ATP2B2: variants seen among roughly 807,000 people sequenced by gnomAD.
ATP2B2 encodes the protein ATPase plasma membrane Ca2+ transporting 2.
A neutral mutation model predicts 120.0 loss-of-function variants in ATP2B2; 15 were observed. The observed-to-expected ratio is 0.12, with a 90% confidence interval of 0.08 to 0.19. ATP2B2 has a LOEUF of 0.19. Ranked by LOEUF, ATP2B2 falls within the 10% of genes least tolerant of loss-of-function variation. ATP2B2 has a pLI of 1.00. For missense variants in ATP2B2, 1,045 were observed against 1,719.8 expected, an observed-to-expected ratio of 0.61 and a Z score of 6.94; for synonymous variants, 694 against 700.3, an observed-to-expected ratio of 0.99 and a Z score of 0.14.
chr3:10,693,662 AT>A (rs778386854), intron 1 of ATP2B2, among the ~76,000 whole-genome samples: 1 of 152,140 alleles, frequency 6.6e-6, no homozygotes, highest in Non-Finnish European at 1.5e-5. Context: ...AGCCTACTTC[AT>A]TTCTTTGTTT....
chr3:10,388,262 G>A lies in ATP2B2; in HGVS notation c.907+15C>T. 6.2e-7 allele frequency: 1 copy of A among 1,614,078 alleles called. No individual in the cohort carries two copies. Among genetic ancestry groups the A allele is most frequent in the Non-Finnish European group, 8.5e-7 (1 of 1,179,992 alleles). On this transcript the variant is annotated intron_variant, in intron 6 of 22. Transcript: ENST00000360273. ...TAAGAGCTCCTCTCCTGGTCTGCAAGGGGATTAGGCTTACCTTTTTTGTCT... is the reference window on the plus strand; with the variant it reads ...TAAGAGCTCCTCTCCTGGTCTGCAAAGGGATTAGGCTTACCTTTTTTGTCT...
chr3:10,703,533 G>A (rs1356011015), intron 1 of ATP2B2, among the ~76,000 whole-genome samples: 1 of 151,968 alleles, frequency 6.6e-6, no homozygotes, highest in African/African-American at 2.4e-5. Flanking sequence ...CTATTTATGG[G>A]GCCCACTCCC....
intron 2 of ATP2B2, among the ~76,000 whole-genome samples, chr3:10,577,696 GA>G (rs982826879): frequency 6.6e-6 from 1 of 152,210 alleles, no homozygotes; most frequent in African/African-American, 2.4e-5. Flanking sequence ...GCTCCCAAAA[GA>G]ACAATCTTTC....
chr3:10,327,813 T>C lies in ATP2B2; in HGVS notation c.*1001A>G, dbSNP rs1190097265. 1 of 152,678 alleles carries C rather than the reference T, an allele frequency of 6.5e-6. No individual in the cohort carries two copies. Among genetic ancestry groups the C allele is most frequent in the Non-Finnish European group, 1.5e-5 (1 of 68,044 alleles). The allele number at this position is 152,678 out of a possible 1,614,324, so 9.5% of individuals were successfully genotyped here. ...CCTCAGGATGGCAACTCGGTAGCAT[T>C]TGGCTTCTGCCTGAGCCTCTCACGG... is the stretch of plus-strand genomic sequence containing the variant. On this transcript the variant is annotated 3_prime_UTR_variant, in exon 23 of 23. Coordinates refer to ENST00000360273, the MANE Select transcript of ATP2B2 (RefSeq NM_001001331.4).
At position 10,531,988 on chromosome 3, in the gene ATP2B2, C is replaced by G. The variant is rs1283923581; in HGVS notation, c.-320+2051G>C. On this transcript the variant is annotated intron_variant, in intron 3 of 21. Coordinates refer to the ATP2B2 transcript ENST00000646379. The stretch of plus-strand genomic sequence containing the variant: ...ATGTCCTCCTTGGATTCTCCCCGCC[C>G]CACCACCCTGGCACCCCCAACCTAG... Among the ~76,000 whole-genome samples, 5 of 152,074 alleles carry G rather than the reference C, an allele frequency of 3.3e-5. No individual in the cohort carries two copies. The East Asian group carries it at 9.7e-4, about 29-fold the overall frequency.
intron 2 of ATP2B2, among the ~76,000 whole-genome samples, chr3:10,426,537 C>T (rs2063150210): frequency 6.6e-6 from 1 of 152,178 alleles, no homozygotes; most frequent in African/African-American, 2.4e-5. Flanking sequence ...CGTGTCCTTG[C>T]TGTCGACAGG....
chr3:10,698,497 C>G (rs1474451694), intron 1 of ATP2B2, among the ~76,000 whole-genome samples: 1 of 152,202 alleles, frequency 6.6e-6, no homozygotes, highest in African/African-American at 2.4e-5. Flanking sequence ...AAAGCAGGCT[C>G]CCTGGCTCAA....
chr3:10,408,865 G>A (rs2125009147), intron 3 of ATP2B2, among the ~76,000 whole-genome samples: 1 of 152,254 alleles, frequency 6.6e-6, no homozygotes, highest in African/African-American at 2.4e-5. Context: ...AGCTGATTCA[G>A]TCCTGTCCCT....
intron 1 of ATP2B2, among the ~76,000 whole-genome samples, chr3:10,705,378 C>T (rs2071880541): frequency 2.0e-5 from 3 of 152,222 alleles, no homozygotes; most frequent in Admixed American, 1.3e-4. Context: ...GCCCTAGCAA[C>T]CTGGACCTGT....
At chr3:10,532,876 G>A (rs1292977236) in intron 3 of ATP2B2, among the ~76,000 whole-genome samples, 2 of 152,210 alleles carry the variant, frequency 1.3e-5, no homozygotes, top group Admixed American at 6.5e-5. Context: ...TGCTTGCACA[G>A]TTAGAAGCTC....
chr3:10,537,247 C>T (rs1193094883), intron 2 of ATP2B2, among the ~76,000 whole-genome samples: 1 of 152,130 alleles, frequency 6.6e-6, no homozygotes, highest in Non-Finnish European at 1.5e-5. Context: ...ATCTTTTCTA[C>T]ATCTATACTG....
chr3:10,571,658 G>C (rs887124475), intron 2 of ATP2B2, among the ~76,000 whole-genome samples: 11 of 152,214 alleles, frequency 7.2e-5, no homozygotes, highest in African/African-American at 2.7e-4. Context: ...CTTTGGATGG[G>C]CTTGGAAGGG....
chr3:10,557,587 G>C (rs1374996289), intron 2 of ATP2B2, among the ~76,000 whole-genome samples: 1 of 152,256 alleles, frequency 6.6e-6, no homozygotes, highest in African/African-American at 2.4e-5. Context: ...CTTGGGAACA[G>C]AGGAGAAACG....
intron 1 of ATP2B2, among the ~76,000 whole-genome samples, chr3:10,638,280 C>CA (rs2070076635): frequency 6.6e-6 from 1 of 151,924 alleles, no homozygotes; most frequent in Non-Finnish European, 1.5e-5. Context: ...GCTGCCTACA[C>CA]AAAAATGACA....
At chr3:10,403,776 T>C (rs1051406581) in intron 3 of ATP2B2, among the ~76,000 whole-genome samples, 5 of 151,816 alleles carry the variant, frequency 3.3e-5, no homozygotes, top group African/African-American at 1.2e-4. Flanking sequence ...GAGAGAAGGG[T>C]ACCTGTTCAG....
intron 2 of ATP2B2, among the ~76,000 whole-genome samples, chr3:10,563,157 T>C (rs566173287): frequency 1.3e-5 from 2 of 152,386 alleles, no homozygotes; most frequent in East Asian, 3.9e-4. Context: ...TGCCAGGCAC[T>C]GAGCCGGAAC....
At chr3:10,492,765 G>A (rs1424823284) in intron 1 of ATP2B2, among the ~76,000 whole-genome samples, 8 of 152,170 alleles carry the variant, frequency 5.3e-5, no homozygotes, top group Admixed American at 5.2e-4. Flanking sequence ...CCTCTCCACT[G>A]TCATTTCTCT....
At chr3:10,645,982 C>T (rs1440205904) in intron 1 of ATP2B2, among the ~76,000 whole-genome samples, 15 of 152,158 alleles carry the variant, frequency 9.9e-5, no homozygotes, top group Admixed American at 2.0e-4. Context: ...GTGGGACCCC[C>T]GTTGCAAAGA....
chr3:10,584,041 C>T (rs950634730), intron 2 of ATP2B2, among the ~76,000 whole-genome samples: 2 of 152,314 alleles, frequency 1.3e-5, no homozygotes, highest in East Asian at 3.9e-4. Flanking sequence ...CAGACACAGC[C>T]GCTGCCCTCC....
Sources: gnomAD v4.1 joint callset for allele counts (sites outside exome capture counted in the v4.1 genomes callset) on GRCh38, gnomAD v4.1.1 for gene constraint, MANE v1.5 for transcripts, NCBI Gene and HGNC (gene_info 2026-07-23, HGNC 2026-07-21) for gene names.